The following SF3B3 variants were observed in gnomAD, a reference collection of about 807,000 sequenced individuals.
The protein encoded by SF3B3 is splicing factor 3b subunit 3, also known as SAP 130.
SF3B3 carries 33 observed loss-of-function variants against 139.2 expected under a neutral mutation model. The observed-to-expected ratio is 0.24, with a 90% CI of 0.18 to 0.32. The LOEUF is 0.32. Ranked by LOEUF, SF3B3 falls within the 10% of genes least tolerant of loss-of-function variation. The pLI, the probability that SF3B3 is intolerant of heterozygous loss-of-function variation, is 1.00. For synonymous variants in SF3B3, 596 were observed against 563.6 expected (o/e 1.06, Z -0.81); for missense variants, 818 against 1,509.4 (o/e 0.54, Z 7.59).
intron 22 of SF3B3, 115 bp from the exon 23 acceptor site, chr16:70,568,928 T>G (rs867002678): frequency 1.5e-6 from 1 of 665,494 alleles, no homozygotes. Flanking sequence ...CTCAGGCCTC[T>G]GTCTAGGCAG....
intron 17 of SF3B3, 29 bp from the exon 18 acceptor site, chr16:70,563,847 T>C: frequency 6.2e-7 from 1 of 1,612,184 alleles, no homozygotes; most frequent in Non-Finnish European, 8.5e-7. Flanking sequence ...GAGTGAGTAT[T>C]AAATAACTGC....
In SF3B3 at chr16:70,555,200, G is replaced by A; in HGVS notation, c.1704G>A (p.Met568Ile). 6.2e-7 allele frequency: 1 copy of A among 1,613,736 alleles called. No homozygotes were observed. Among genetic ancestry groups the A allele is most frequent in the Non-Finnish European group, 8.5e-7 (1 of 1,179,706 alleles). Reference sequence around the variant, plus strand: ...GAGGAGAGCTGGTCTATTTCGAGATGGATCCTGTATGTTATTTTATCATTC... The same window carrying A: ...GAGGAGAGCTGGTCTATTTCGAGATAGATCCTGTATGTTATTTTATCATTC... ...LTGGELVYFE[M>I]DPSGQLNEYT... is the part of the protein sequence containing the mutation. Residue 568 changes from methionine (M) to isoleucine (I), a missense_variant, in exon 13 of 26, where the codon ATG (methionine) becomes ATA (isoleucine). Met to Ile is a conservative substitution (Grantham distance 10). Around this residue, in one of 14 missense-constraint regions of SF3B3, gnomAD observed 170 missense variants for 353.0 expected, o/e 0.48. Coordinates refer to ENST00000302516, the MANE Select transcript of SF3B3 (RefSeq NM_012426.5).
At position 70,573,473 on chromosome 16, in the gene SF3B3, G is replaced by A. The variant is rs2050548438; in HGVS notation, c.*1660G>A. ...AAGGAAAACCTAATCTATGGAATCA[G>A]GAGTTGTCACCACCGAGCTTCCTCT... On this transcript the variant is annotated 3_prime_UTR_variant, in exon 26 of 26. Transcript: ENST00000302516. The A allele has an allele frequency of 6.6e-6, 1 of 152,196 alleles. No homozygotes were observed. 9.4% of individuals were successfully genotyped at this position (152,196 alleles called of 1,614,324 possible). A position where few individuals can be genotyped will look rare whatever the true frequency, so the allele number is the denominator to read the frequency against.
intron 20 of SF3B3, 174 bp downstream of exon 20, chr16:70,565,698 C>G: frequency 1.6e-6 from 1 of 611,478 alleles, no homozygotes; most frequent in Non-Finnish European, 2.9e-6. Flanking sequence ...TGTGCCTGTG[C>G]ATTCCACAGG....
At chr16:70,548,288 G>A in intron 10 of SF3B3, 82 bp from the exon 11 acceptor site, 1 of 1,133,336 alleles carries the variant, frequency 8.8e-7, no homozygotes, top group Non-Finnish European at 1.3e-6. Context: ...CTGCCTTTGA[G>A]ACCTTATTTT....
chr16:70,568,251 C>T lies in SF3B3; in HGVS notation c.2953-32C>T, dbSNP rs771232908. The T allele has an allele frequency of 9.8e-6, 15 of 1,527,430 alleles. No homozygotes were observed. In the East Asian group the frequency reaches 3.2e-4, roughly 32 times the overall value. The allele number at this position is 1,527,430 out of a possible 1,614,324, so 94.6% of individuals were successfully genotyped here. A position where few individuals can be genotyped will look rare whatever the true frequency, so the allele number is the denominator to read the frequency against. On this transcript the variant is annotated intron_variant, in intron 21 of 25. Transcript: ENST00000302516. ...TTGGGTTCTGAACCCCAAGATTACA[C>T]CCACCATCACTATTGTCTTTGTTTT...
intron 7 of SF3B3, among the ~76,000 whole-genome samples, chr16:70,538,722 C>G (rs2050191045): frequency 6.6e-6 from 1 of 152,186 alleles, no homozygotes; most frequent in Admixed American, 6.5e-5. Flanking sequence ...AGATAAAGGT[C>G]TCTGTTTCTG....
At position 70,535,440 on chromosome 16, in the gene SF3B3, A is replaced by G. The variant is rs2050157208; in HGVS notation, c.825+20A>G. The G allele has an allele frequency of 1.5e-6, 2 of 1,365,968 alleles. No individual in the cohort carries two copies. Among genetic ancestry groups the G allele is most frequent in the Non-Finnish European group, 2.1e-6 (2 of 963,522 alleles). The allele number at this position is 1,365,968 out of a possible 1,614,324, so 84.6% of individuals were successfully genotyped here. ...AGGCGGGTAAGATCTTTGATATAAG[A>G]AGAGAGAGATTTGTGTTTAATTTTT... is the stretch of plus-strand genomic sequence containing the variant. On this transcript the variant is annotated intron_variant, in intron 6 of 25. Coordinates refer to ENST00000302516, the MANE Select transcript of SF3B3 (RefSeq NM_012426.5).
chr16:70,538,923 AT>A (rs1359847619), intron 7 of SF3B3, among the ~76,000 whole-genome samples, 180 bp from the exon 8 acceptor site: 3 of 152,196 alleles, frequency 2.0e-5, no homozygotes, highest in African/African-American at 7.2e-5. Context: ...CAACTCTGCC[AT>A]TATAGTACAA....
chr16:70,549,472 G>C (rs2050300618), intron 11 of SF3B3, among the ~76,000 whole-genome samples: 1 of 152,212 alleles, frequency 6.6e-6, no homozygotes, highest in African/African-American at 2.4e-5. Flanking sequence ...CTACATAGAA[G>C]TTGGTCCGTG....
At chr16:70,548,038 C>G (rs1234991112) in intron 10 of SF3B3, among the ~76,000 whole-genome samples, 1 of 152,146 alleles carries the variant, frequency 6.6e-6, no homozygotes, top group African/African-American at 2.4e-5. Context: ...AAAGGGGATG[C>G]TAATTTAGAT....
intron 15 of SF3B3, among the ~76,000 whole-genome samples, chr16:70,559,349 C>A (rs1473032768): frequency 6.6e-6 from 1 of 152,092 alleles, no homozygotes; most frequent in African/African-American, 2.4e-5. Context: ...GGCCACAGCA[C>A]TCCTTTCAGT....
intron 11 of SF3B3, among the ~76,000 whole-genome samples, chr16:70,551,156 T>A (rs1355901094): frequency 1.3e-5 from 2 of 152,158 alleles, no homozygotes; most frequent in African/African-American, 4.8e-5. Flanking sequence ...TGGTTGAGCC[T>A]TAAATCCTAA....
chr16:70,567,930 C>T (rs963895236), intron 21 of SF3B3, among the ~76,000 whole-genome samples: 1 of 152,204 alleles, frequency 6.6e-6, no homozygotes, highest in Admixed American at 6.5e-5. Flanking sequence ...TCATGATCTA[C>T]CCGCCTTAGC....
rs761006635 is a variant in SF3B3 at position 70,561,705 on chromosome 16, G to A, written c.2209G>A (p.Glu737Lys). ...CTTCCATCTCACCCCACTGTCTTAC[G>A]AGACACTGGAATTTGCATCGGGTTT... ...SRFHLTPLSY[E>K]TLEFASGFAS... The change falls in exon 17 of 26, where the codon GAG (glutamate) becomes AAG (lysine). Residue 737 changes from glutamate (E) to lysine (K), a missense_variant. Physicochemically the swap from Glu to Lys is moderately conservative, Grantham distance 56. Coordinates refer to ENST00000302516, the MANE Select transcript of SF3B3 (RefSeq NM_012426.5). 1.2e-6 allele frequency: 2 copies of A among 1,613,316 alleles called. No individual in the cohort carries two copies. The highest frequency in any genetic ancestry group is 2.2e-5 in the East Asian group (1 of 44,858).
intron 5 of SF3B3, among the ~76,000 whole-genome samples, chr16:70,534,645 C>G (rs1330646761): frequency 1.3e-5 from 2 of 152,060 alleles, no homozygotes; most frequent in South Asian, 2.1e-4. Flanking sequence ...TATGAACATG[C>G]TGTTACTTTA....
At chr16:70,538,558 G>A in intron 7 of SF3B3, 98 bp downstream of exon 7, 1 of 1,108,100 alleles carries the variant, frequency 9.0e-7, no homozygotes, top group East Asian at 2.4e-5. Flanking sequence ...AACTTAGAAA[G>A]TAGTTGCCCT....
intron 2 of SF3B3, among the ~76,000 whole-genome samples, chr16:70,527,788 T>C (rs1259717175): frequency 6.6e-6 from 1 of 152,092 alleles, no homozygotes; most frequent in Non-Finnish European, 1.5e-5. Context: ...TTTTTGTTTT[T>C]TCCTTGAAAC....
At chr16:70,561,560 T>G in intron 16 of SF3B3, 70 bp from the exon 17 acceptor site, 1 of 1,368,412 alleles carries the variant, frequency 7.3e-7, no homozygotes, top group South Asian at 1.3e-5. Flanking sequence ...ATAGGGCTTT[T>G]GGTCAGCTTA....
Sources: allele counts gnomAD v4.1 joint callset (sites outside exome capture counted in the v4.1 genomes callset), GRCh38; gene constraint gnomAD v4.1.1; regional missense constraint gnomAD v4.1.1; transcripts MANE v1.5; gene names NCBI Gene and HGNC (gene_info 2026-07-23, HGNC 2026-07-21).